The following MAP3K15 variants were observed in gnomAD, a reference collection of about 807,000 sequenced individuals.
The protein encoded by MAP3K15 is MAPK/ERK kinase kinase 15.
MAP3K15 carries 124 observed loss-of-function variants against 99.5 expected under a neutral mutation model. The observed-to-expected ratio is 1.25, with a 90% CI of 1.08 to 1.45. The LOEUF is 1.45. MAP3K15 is among the 40% of genes most tolerant of loss of function. The pLI, the probability that MAP3K15 is intolerant of heterozygous loss-of-function variation, is 0.00. For missense variants in MAP3K15, 1,242 were observed against 1,079.7 expected, an observed-to-expected ratio of 1.15 and a Z score of -2.11; for synonymous variants, 494 against 439.6, an observed-to-expected ratio of 1.12 and a Z score of -1.55.
At position 19,405,791 on chromosome X, in the gene MAP3K15, G is replaced by C. The variant is rs142391885; in HGVS notation, c.1844+1397C>G. Among the ~76,000 whole-genome samples the C allele has an allele frequency of 6.1e-3, 687 of 112,302 alleles. 2 individuals carry two copies. The highest frequency in any genetic ancestry group is 0.021 in the African/African-American group (653 of 30,917). The stretch of plus-strand genomic sequence containing the variant: ...TTCAGAAAAAATAACCATATGCATA[G>C]AGCGAGAATGTAAAACCAATGTGGT... On this transcript the variant is annotated intron_variant, in intron 13 of 28. Transcript: ENST00000338883.
chrX:19,442,084 C>G (rs764949490), intron 6 of MAP3K15, among the ~76,000 whole-genome samples: 1 of 111,927 alleles, frequency 8.9e-6, no homozygotes, highest in South Asian at 3.8e-4. Context: ...TCAACACCAC[C>G]GAGGCGGCAG....
chrX:19,390,080 A>C (rs955659177), intron 18 of MAP3K15, among the ~76,000 whole-genome samples: 2 of 110,857 alleles, frequency 1.8e-5, no homozygotes, highest in African/African-American at 3.3e-5. Flanking sequence ...TGATGTATTA[A>C]AATTCTCTTT....
chrX:19,427,598 C>G (rs1445335177), intron 7 of MAP3K15, among the ~76,000 whole-genome samples: 1 of 111,311 alleles, frequency 9.0e-6, no homozygotes, highest in Non-Finnish European at 1.9e-5. Flanking sequence ...CATTTTCACT[C>G]TCATCTTTTT....
At chrX:19,424,558 G>T (rs890720136) in intron 9 of MAP3K15, among the ~76,000 whole-genome samples, 1 of 111,130 alleles carries the variant, frequency 9.0e-6, no homozygotes, top group Non-Finnish European at 1.9e-5. Flanking sequence ...CTTGTAATTT[G>T]TAAGTGCAAA....
chrX:19,439,927 C>G (rs909513031), intron 6 of MAP3K15, among the ~76,000 whole-genome samples: 1 of 112,242 alleles, frequency 8.9e-6, no homozygotes, highest in Admixed American at 9.5e-5. Context: ...GGGGAGCTGA[C>G]TCCTCTAGGC....
intron 18 of MAP3K15, among the ~76,000 whole-genome samples, chrX:19,382,449 G>A (rs1214667231): frequency 9.0e-6 from 1 of 111,131 alleles, no homozygotes; most frequent in African/African-American, 3.3e-5. Flanking sequence ...GTAGTCACTA[G>A]CCTCATATAT....
At chrX:19,514,516 C>G (rs1195650564) in intron 1 of MAP3K15, among the ~76,000 whole-genome samples, 1 of 27,825 alleles carries the variant, frequency 3.6e-5, no homozygotes, top group Non-Finnish European at 5.8e-5. Flanking sequence ...TCCTGTTGGA[C>G]GGATCAGGGG....
At chrX:19,511,402 C>T (rs2064517327) in intron 1 of MAP3K15, among the ~76,000 whole-genome samples, 1 of 111,517 alleles carries the variant, frequency 9.0e-6, no homozygotes, top group South Asian at 3.7e-4. Flanking sequence ...AATGGGAGAA[C>T]GTTTTTGGAA....
intron 6 of MAP3K15, among the ~76,000 whole-genome samples, chrX:19,437,990 C>T (rs958571975): frequency 8.9e-6 from 1 of 112,490 alleles, no homozygotes; most frequent in Non-Finnish European, 1.9e-5. Context: ...ACCAAACTGA[C>T]AAGACAGGTT....
intron 1 of MAP3K15, among the ~76,000 whole-genome samples, chrX:19,493,487 A>G (rs2064381508): frequency 1.8e-5 from 2 of 111,840 alleles, no homozygotes; most frequent in Admixed American, 9.6e-5. Context: ...CCAAAATAGT[A>G]TGCAACTGGC....
At chrX:19,413,280 C>G (rs2063703756) in intron 11 of MAP3K15, 77 bp downstream of exon 11, 1 of 680,195 alleles carries the variant, frequency 1.5e-6, no homozygotes, top group African/African-American at 2.2e-5. Context: ...AACATGGGTG[C>G]CTTTTCCTTC....
Position 19,361,232 on chromosome X carries a change from G to A in MAP3K15, c.3857+107C>T, listed in dbSNP as rs995354840. 4 of 644,930 alleles carry A rather than the reference G, an allele frequency of 6.2e-6. No homozygotes were observed. The African/African-American group carries it at 8.9e-5, about 14-fold the overall frequency. 53.1% of individuals were successfully genotyped at this position (644,930 alleles called of 1,213,427 possible). A position where few individuals can be genotyped will look rare whatever the true frequency, so the allele number is the denominator to read the frequency against. ...GCTTTTTCCCAGCTTGAACCTAATA[G>A]AACTCCAGAGTTTGGGGGGAGGCCC... is the stretch of plus-strand genomic sequence containing the variant. On this transcript the variant is annotated intron_variant, in intron 28 of 28. Transcript: ENST00000338883.
At chrX:19,398,117 G>A (rs1326198182) in intron 15 of MAP3K15, 109 bp downstream of exon 15, 1 of 643,427 alleles carries the variant, frequency 1.6e-6, no homozygotes, top group Non-Finnish European at 2.3e-6. Context: ...GACAGGTTTT[G>A]TGGTAACACA....
Position 19,426,314 on chromosome X carries a change from G to T in MAP3K15, c.1196C>A (p.Ser399Tyr). 8.7e-7 allele frequency: 1 copy of T among 1,153,788 alleles called. No homozygotes were observed. Among genetic ancestry groups the T allele is most frequent in the Non-Finnish European group, 1.2e-6 (1 of 867,317 alleles). Reference sequence around the variant, plus strand: ...TGCAAGATTAATTCCCGAATAGAGGGATGACTGGAGTTCAAACCCTTTGCG... The same window carrying T: ...TGCAAGATTAATTCCCGAATAGAGGTATGACTGGAGTTCAAACCCTTTGCG... Reference protein sequence around the residue: ...WYRKGFELQSSLYSGINLAVL... With the variant: ...WYRKGFELQSYLYSGINLAVL... The change falls in exon 8 of 29, where the codon TCC becomes TAC. Residue 399 changes from serine (S) to tyrosine (Y), a missense_variant. Transcript: ENST00000338883.
At chrX:19,418,406 G>A (rs901393677) in intron 9 of MAP3K15, among the ~76,000 whole-genome samples, 4 of 110,716 alleles carry the variant, frequency 3.6e-5, no homozygotes, top group Admixed American at 9.6e-5. Flanking sequence ...CACAAGCCTC[G>A]GTAGCCGATT....
intron 1 of MAP3K15, chrX:19,497,179 T>G (rs938921574): frequency 1.8e-5 from 2 of 108,132 alleles, no homozygotes; most frequent in Admixed American, 1.0e-4. Context: ...TTTTTTTTTT[T>G]GAGATGGAAT....
chrX:19,441,063 C>T (rs1232540307), intron 6 of MAP3K15, among the ~76,000 whole-genome samples: 1 of 111,731 alleles, frequency 9.0e-6, no homozygotes, highest in Non-Finnish European at 1.9e-5. Context: ...GAATATTAAG[C>T]CAAAAAAAGG....
chrX:19,465,962 T>G (rs944482774), intron 3 of MAP3K15, among the ~76,000 whole-genome samples: 2 of 108,966 alleles, frequency 1.8e-5, no homozygotes, highest in East Asian at 5.8e-4. Context: ...TGGCACTTTT[T>G]TCTTTTTTTG....
chrX:19,506,189 C>T (rs187521558), intron 1 of MAP3K15, among the ~76,000 whole-genome samples: 2 of 112,095 alleles, frequency 1.8e-5, no homozygotes, highest in Non-Finnish European at 3.8e-5. Context: ...CCACCTTGGC[C>T]TCCCAAAGTG....
Sources: allele counts gnomAD v4.1 joint callset (sites outside exome capture counted in the v4.1 genomes callset), GRCh38; gene constraint gnomAD v4.1.1; transcripts MANE v1.5; gene names NCBI Gene and HGNC (gene_info 2026-07-23, HGNC 2026-07-21).